Variants in GPC5 observed in about 807,000 individuals in gnomAD.
GPC5 encodes the protein glypican-5.
Under a neutral mutation model 53.9 loss-of-function variants are expected in GPC5, and 47 were observed. The ratio of observed to expected loss-of-function variants is 0.87; its 90% confidence interval spans 0.69 to 1.11. The LOEUF is 1.11. Among genes scored for constraint, GPC5 ranks in the 50% most tolerant of loss-of-function variants. The pLI, the probability that GPC5 is intolerant of heterozygous loss-of-function variation, is 0.00. For missense variants in GPC5, 748 were observed against 713.1 expected, an observed-to-expected ratio of 1.05 and a Z score of -0.56; for synonymous variants, 286 against 263.3, an observed-to-expected ratio of 1.09 and a Z score of -0.84.
intron 7 of GPC5, among the ~76,000 whole-genome samples, chr13:92,164,555 T>C (rs1280245337): frequency 6.6e-6 from 1 of 152,210 alleles, no homozygotes; most frequent in South Asian, 2.1e-4. Flanking sequence ...CCTTCGACTT[T>C]GCAGGATACA....
At chr13:92,439,346 G>A (rs551037204) in intron 7 of GPC5, among the ~76,000 whole-genome samples, 3 of 152,300 alleles carry the variant, frequency 2.0e-5, no homozygotes, top group Non-Finnish European at 4.4e-5. Flanking sequence ...AATGGATTTA[G>A]TGATAAGGGA....
At chr13:91,975,507 C>G (rs992657105) in intron 6 of GPC5, among the ~76,000 whole-genome samples, 18 of 151,956 alleles carry the variant, frequency 1.2e-4, no homozygotes, top group African/African-American at 1.7e-4. Flanking sequence ...GCAGCCAAAA[C>G]ACACATGAAA....
Position 92,111,583 on chromosome 13 carries a change from C to CAA in GPC5, c.1402-33238_1402-33237dup, listed in dbSNP as rs34294679. On this transcript the variant is annotated intron_variant, in intron 6 of 7. Transcript: ENST00000377067. ...TAGACTTATTTTGCCCTCTGCCCCACAAAAAAAAAATGAAACATCAACAAT... is the reference window on the plus strand; with the variant it reads ...TAGACTTATTTTGCCCTCTGCCCCACAAAAAAAAAAAATGAAACATCAACAAT... Among the ~76,000 whole-genome samples, 699 of 149,042 alleles carry CAA rather than the reference C, an allele frequency of 4.7e-3. 1 individual carries two copies. The highest frequency in any genetic ancestry group is 5.8e-3 in the Non-Finnish European group (393 of 67,240).
intron 5 of GPC5, among the ~76,000 whole-genome samples, chr13:91,798,967 T>A (rs1187682650): frequency 1.3e-5 from 2 of 152,208 alleles, no homozygotes; most frequent in Non-Finnish European, 2.9e-5. Flanking sequence ...GTATCAGTGA[T>A]GGACTTTTTT....
At chr13:92,866,194 T>TAA in intron 7 of GPC5, 88 bp from the exon 8 acceptor site, 1 of 1,160,914 alleles carries the variant, frequency 8.6e-7, no homozygotes, top group Admixed American at 2.5e-5. Context: ...AAAACAATGC[T>TAA]GTCCACACTT....
intron 2 of GPC5, among the ~76,000 whole-genome samples, chr13:91,463,532 A>G (rs575886590): frequency 1.3e-5 from 2 of 152,242 alleles, no homozygotes; most frequent in African/African-American, 4.8e-5. Flanking sequence ...AGTGGGAAGA[A>G]TCACTTTACC....
chr13:91,884,162 G>A (rs2039298098), intron 5 of GPC5, among the ~76,000 whole-genome samples: 1 of 152,154 alleles, frequency 6.6e-6, no homozygotes, highest in Admixed American at 6.5e-5. Flanking sequence ...GTGTAAATTA[G>A]TTCGACCACT....
At chr13:91,898,801 A>G (rs542656481) in intron 5 of GPC5, among the ~76,000 whole-genome samples, 3 of 152,272 alleles carry the variant, frequency 2.0e-5, no homozygotes, top group African/African-American at 7.2e-5. Flanking sequence ...GGCCCCTTAC[A>G]TTCTTATGGT....
intron 7 of GPC5, among the ~76,000 whole-genome samples, chr13:92,276,473 A>C (rs2042876613): frequency 6.6e-6 from 1 of 152,098 alleles, no homozygotes; most frequent in African/African-American, 2.4e-5. Flanking sequence ...TTATTATTAC[A>C]GTTAAAAGAT....
chr13:92,380,678 G>T (rs571343974), intron 7 of GPC5, among the ~76,000 whole-genome samples: 3 of 145,800 alleles, frequency 2.1e-5, no homozygotes, highest in Non-Finnish European at 4.5e-5. Context: ...GCAAACTATC[G>T]CAAGAACAAA....
intron 7 of GPC5, among the ~76,000 whole-genome samples, chr13:92,576,255 G>T (rs1369685564): frequency 1.3e-5 from 2 of 152,158 alleles, no homozygotes; most frequent in East Asian, 1.9e-4. Flanking sequence ...CAAAAATCAT[G>T]CAGTGATCTG....
chr13:91,718,190 A>G (rs928556427), intron 3 of GPC5, among the ~76,000 whole-genome samples: 3 of 151,936 alleles, frequency 2.0e-5, no homozygotes, highest in East Asian at 3.9e-4. Context: ...GGCTCGCTGC[A>G]AGCTCCGCTT....
At chr13:92,203,633 A>G (rs2042310972) in intron 7 of GPC5, among the ~76,000 whole-genome samples, 1 of 137,792 alleles carries the variant, frequency 7.3e-6, no homozygotes, top group Non-Finnish European at 1.6e-5. Context: ...AACTTAGAGT[A>G]TAATAAAAAA....
intron 7 of GPC5, among the ~76,000 whole-genome samples, chr13:92,677,513 C>A (rs962354923): frequency 6.6e-6 from 1 of 152,178 alleles, no homozygotes; most frequent in Non-Finnish European, 1.5e-5. Flanking sequence ...GTTCCATGGA[C>A]TTACAGCCAG....
chr13:91,986,284 C>A (rs111736258), intron 6 of GPC5, among the ~76,000 whole-genome samples: 3,942 of 152,004 alleles, frequency 0.026, 173 homozygotes, highest in African/African-American at 0.09. Flanking sequence ...CCAGCATGGT[C>A]TCAGTCTCCT....
chr13:91,547,997 T>A (rs768015829), intron 2 of GPC5, among the ~76,000 whole-genome samples: 4 of 152,136 alleles, frequency 2.6e-5, no homozygotes, highest in Non-Finnish European at 4.4e-5. Flanking sequence ...CTAAAAAACC[T>A]ACAGCTAACA....
chr13:92,111,118 T>C (rs1268749784), intron 6 of GPC5, among the ~76,000 whole-genome samples: 1 of 152,134 alleles, frequency 6.6e-6, no homozygotes, highest in Non-Finnish European at 1.5e-5. Context: ...GGGGTCAGGA[T>C]TGGCAATATA....
chr13:91,773,690 G>C (rs189203886), intron 5 of GPC5, among the ~76,000 whole-genome samples: 1 of 152,126 alleles, frequency 6.6e-6, no homozygotes. Context: ...AGTCCAGACC[G>C]ATAGATCAAG....
At chr13:92,040,213 G>A (rs1249716584) in intron 6 of GPC5, among the ~76,000 whole-genome samples, 3 of 152,206 alleles carry the variant, frequency 2.0e-5, no homozygotes, top group African/African-American at 7.2e-5. Context: ...CGGTATGTGT[G>A]GAGTTTGCAC....
Sources: allele counts gnomAD v4.1 joint callset (sites outside exome capture counted in the v4.1 genomes callset), GRCh38; gene constraint gnomAD v4.1.1; transcripts MANE v1.5; gene names NCBI Gene and HGNC (gene_info 2026-07-23, HGNC 2026-07-21).